ZNF7: variants seen among roughly 807,000 people sequenced by gnomAD.
ZNF7 encodes the protein C2-H2 type zinc finger protein.
Under a neutral mutation model 12.0 loss-of-function variants are expected in ZNF7, and 10 were observed. The ratio of observed to expected loss-of-function variants is 0.83; its 90% CI spans 0.51 to 1.42. ZNF7 has a LOEUF of 1.42. Ranked by LOEUF, ZNF7 falls within the 40% of genes most tolerant of loss-of-function variation. The pLI, the probability that ZNF7 is intolerant of heterozygous loss-of-function variation, is 0.00. For missense variants in ZNF7, 854 were observed against 837.2 expected, an observed-to-expected ratio of 1.02 and a Z score of -0.25; for synonymous variants, 334 against 295.0, an observed-to-expected ratio of 1.13 and a Z score of -1.35.
At chr8:144,841,216 C>T (rs754907110) in intron 4 of ZNF7, 139 bp from the exon 5 acceptor site, 43 of 834,082 alleles carry the variant, frequency 5.2e-5, no homozygotes, top group Non-Finnish European at 7.7e-5. Flanking sequence ...TCTGCCTTCT[C>T]TTGCACGTTT....
At chr8:144,840,365 A>G (rs1364926491) in intron 4 of ZNF7, among the ~76,000 whole-genome samples, 8 of 152,252 alleles carry the variant, frequency 5.3e-5, no homozygotes, top group Non-Finnish European at 1.2e-4. Flanking sequence ...ACCAATGGTT[A>G]GGAGTGGGCA....
At chr8:144,827,759 C>A in intron 1 of ZNF7, 150 bp downstream of exon 1, 2 of 887,650 alleles carry the variant, frequency 2.3e-6, no homozygotes, top group Non-Finnish European at 2.7e-6. Context: ...GGGCCTTGAG[C>A]GCCTGGTGTG....
At chr8:144,829,324 G>A in intron 2 of ZNF7, 154 bp from the exon 3 acceptor site, 3 of 1,538,924 alleles carry the variant, frequency 1.9e-6, no homozygotes, top group Non-Finnish European at 2.6e-6. Context: ...CCTCCTCCCC[G>A]AGACTGCCCC....
intron 3 of ZNF7, chr8:144,834,615 G>C (rs1251845169): frequency 1.3e-5 from 2 of 151,792 alleles, no homozygotes; most frequent in East Asian, 3.8e-4. Flanking sequence ...CCTGGAATAA[G>C]CCTTACTTAA....
chr8:144,845,210 AC>A (rs1209745035), downstream of ZNF7, among the ~76,000 whole-genome samples: 1 of 152,128 alleles, frequency 6.6e-6, no homozygotes, highest in Non-Finnish European at 1.5e-5. Context: ...TGGCCATTCC[AC>A]CTAGGAGGGG....
At position 144,841,925 on chromosome 8, in the gene ZNF7, C is replaced by T. The variant is rs769230172; in HGVS notation, c.818C>T (p.Thr273Met). The T allele has an allele frequency of 3.3e-5, 53 of 1,614,034 alleles. No individual in the cohort carries two copies. Among genetic ancestry groups the T allele is most frequent in the Admixed American group, 1.7e-4 (10 of 60,002 alleles). Reference protein sequence around the residue: ...SQLNQHQRIHTGEKPFKCTEC... With the variant: ...SQLNQHQRIHMGEKPFKCTEC... ...CTTAATCAGCATCAGAGAATCCACA[C>T]GGGAGAGAAACCCTTTAAATGCACT... The change falls in exon 5 of 5, where the codon ACG becomes ATG. Residue 273 changes from threonine to methionine, a missense_variant. Transcript: ENST00000532777.
Position 144,839,362 on chromosome 8 carries a change from C to T in ZNF7, c.247+1855C>T, listed in dbSNP as rs567326784. Among the ~76,000 whole-genome samples, 11 of 152,376 alleles carry T rather than the reference C, an allele frequency of 7.2e-5. No individual in the cohort carries two copies. In the South Asian group the frequency reaches 2.3e-3, roughly 32 times the overall value. On this transcript the variant is annotated intron_variant, in intron 4 of 4. Coordinates refer to ENST00000532777, the MANE Select transcript of ZNF7 (RefSeq NM_003416.4). ...AGAGTGGTCAGGAACCCTGGCCTCA[C>T]TGGCTCTGCTGGCTACTCCCATGTG...
At position 144,838,293 on chromosome 8, in the gene ZNF7, G is replaced by A. The variant is rs547145849; in HGVS notation, c.247+786G>A. The A allele has an allele frequency of 1.5e-5, 9 of 584,500 alleles. No homozygotes were observed. The South Asian group carries it at 1.7e-4, about 11-fold the overall frequency. 36.2% of individuals were successfully genotyped at this position (584,500 alleles called of 1,614,324 possible). A position where few individuals can be genotyped will look rare whatever the true frequency, so the allele number is the denominator to read the frequency against. On this transcript the variant is annotated intron_variant, in intron 4 of 4. Transcript: ENST00000532777. Reference sequence around the variant, plus strand: ...TGACCTCATGGTGACTAATTAATCTGCAACGACTGTGTTTCCAAACAAGGT... The same window carrying A: ...TGACCTCATGGTGACTAATTAATCTACAACGACTGTGTTTCCAAACAAGGT...
intron 3 of ZNF7, chr8:144,834,083 T>G (rs1389623549): frequency 1.3e-5 from 2 of 152,244 alleles, no homozygotes; most frequent in Non-Finnish European, 2.9e-5. Flanking sequence ...GGCTGCATAC[T>G]AATTTTAGAA....
In ZNF7 at chr8:144,827,564, C is replaced by T. The variant is rs936325274; in HGVS notation, c.-91C>T. ...GGACGCGGGTGGCCAAGGCCCGTTT[C>T]CGGCGGCGTCGCGCGTTTGCGAGCC... On this transcript the variant is annotated 5_prime_UTR_variant, in exon 1 of 5. Transcript: ENST00000532777. The T allele has an allele frequency of 9.1e-6, 9 of 985,648 alleles. No homozygotes were observed. The highest frequency in any genetic ancestry group is 5.2e-4 in the Middle Eastern group (1 of 1,934). The allele number at this position is 985,648 out of a possible 1,614,324, so 61.1% of individuals were successfully genotyped here.
intron 3 of ZNF7, among the ~76,000 whole-genome samples, chr8:144,830,559 T>C (rs1035611469): frequency 1.3e-5 from 2 of 152,228 alleles, no homozygotes; most frequent in Non-Finnish European, 2.9e-5. Context: ...TTGTAAAACA[T>C]GTAGTTATGT....
At position 144,843,218 on chromosome 8, in the gene ZNF7, C is replaced by G; in HGVS notation, c.*50C>G. ...TATGTGAATAAACCTATAGCCTTAA[C>G]TTACTTATTTTATATGGAATCGTTT... is the stretch of plus-strand genomic sequence containing the variant. On this transcript the variant is annotated 3_prime_UTR_variant, in exon 5 of 5. Transcript: ENST00000532777. 1.3e-6 allele frequency: 2 copies of G among 1,499,322 alleles called. No homozygotes were observed. Among genetic ancestry groups the G allele is most frequent in the Non-Finnish European group, 1.8e-6 (2 of 1,123,056 alleles). The allele number at this position is 1,499,322 out of a possible 1,614,324, so 92.9% of individuals were successfully genotyped here. A position where few individuals can be genotyped will look rare whatever the true frequency, so the allele number is the denominator to read the frequency against.
intron 3 of ZNF7, chr8:144,836,556 C>T (rs1326303442): frequency 6.6e-6 from 1 of 152,186 alleles, no homozygotes; most frequent in East Asian, 1.9e-4. Context: ...GTGGCTTGAC[C>T]CAAGGCTGTT....
chr8:144,834,764 G>GA (rs1828806947), intron 3 of ZNF7: 2 of 142,866 alleles, frequency 1.4e-5, no homozygotes, highest in South Asian at 4.4e-4. Context: ...TTTTTGAGAC[G>GA]GAGTCTCGCT....
intron 3 of ZNF7, among the ~76,000 whole-genome samples, chr8:144,833,401 C>A (rs1828668382): frequency 6.6e-6 from 1 of 151,802 alleles, no homozygotes; most frequent in African/African-American, 2.4e-5. Flanking sequence ...TAAAGTCTCA[C>A]CCTGTCACCT....
Position 144,841,912 on chromosome 8 carries a change from CAG to C in ZNF7, c.809_810del (p.Arg270AsnfsTer9). 6.2e-7 allele frequency: 1 copy of C among 1,614,174 alleles called. No individual in the cohort carries two copies. Among genetic ancestry groups the C allele is most frequent in the Non-Finnish European group, 8.5e-7 (1 of 1,180,038 alleles). On this transcript the variant is annotated frameshift_variant, in exon 5 of 5. Transcript: ENST00000532777. LOFTEE classifies it low-confidence loss of function (END_TRUNC). Reference sequence around the variant, plus strand: ...GCTCTGCTCGCAGCTTAATCAGCATCAGAGAATCCACACGGGAGAGAAACCCT... The same window carrying C: ...GCTCTGCTCGCAGCTTAATCAGCATCAGAATCCACACGGGAGAGAAACCCT... ...FRLCSQLNQH[Q>X]RIHTGEKPFK...
At position 144,843,409 on chromosome 8, in the gene ZNF7, A is replaced by T. The variant is rs562256103; in HGVS notation, c.*241A>T. ...TTGAGACCATCCTGGGTAACAGGTG[A>T]AACCCCATCTCTACTAAAAATACAA... On this transcript the variant is annotated 3_prime_UTR_variant, in exon 5 of 5. Coordinates refer to ENST00000532777, the MANE Select transcript of ZNF7 (RefSeq NM_003416.4). 27 of 400,526 alleles carry T rather than the reference A, an allele frequency of 6.7e-5. 1 individual carries two copies. The South Asian group carries it at 1.4e-3, about 21-fold the overall frequency. The allele number at this position is 400,526 out of a possible 1,614,324, so 24.8% of individuals were successfully genotyped here.
chr8:144,827,743 T>G (rs1377937072), intron 1 of ZNF7, 134 bp downstream of exon 1: 1 of 946,824 alleles, frequency 1.1e-6, no homozygotes, highest in Non-Finnish European at 1.3e-6. Flanking sequence ...GCGCGGGGGC[T>G]TTGCGGGGCC....
At chr8:144,844,897 T>C (rs1586852315), downstream of ZNF7, among the ~76,000 whole-genome samples, 2 of 141,292 alleles carry the variant, frequency 1.4e-5, no homozygotes, top group African/African-American at 5.3e-5. Flanking sequence ...GGAGAGGGAG[T>C]GGGGAAAGAG....
Sources: allele counts gnomAD v4.1 joint callset (sites outside exome capture counted in the v4.1 genomes callset), GRCh38; gene constraint gnomAD v4.1.1; transcripts MANE v1.5; gene names NCBI Gene and HGNC (gene_info 2026-07-23, HGNC 2026-07-21).